Variants in PAX5 observed in about 807,000 individuals in gnomAD.
PAX5 encodes paired box protein Pax-5.
PAX5 carries 9 observed loss-of-function variants against 43.7 expected under a neutral mutation model. That is an observed-to-expected ratio of 0.21 (90% CI 0.12 to 0.36). PAX5 has a LOEUF of 0.36. Among genes scored for constraint, PAX5 ranks in the 10% least tolerant of loss-of-function variants. The pLI, the probability that PAX5 is intolerant of heterozygous loss-of-function variation, is 1.00. For missense variants in PAX5, 383 were observed against 532.7 expected (o/e 0.72, Z 2.77); for synonymous variants, 228 against 214.3 (o/e 1.06, Z -0.56).
rs556809778 is a variant in PAX5 at position 36,838,667 on chromosome 9, A to G, written c.*1893T>C. On this transcript the variant is annotated 3_prime_UTR_variant, in exon 10 of 10. Coordinates refer to ENST00000358127, the MANE Select transcript of PAX5 (RefSeq NM_016734.3). The stretch of plus-strand genomic sequence containing the variant: ...GTGTTCTTGTTTCCCACTTGGTCCA[A>G]ATATTATTGGGCCTCAGGTGCCCAC... 4 of 232,904 alleles carry G rather than the reference A, an allele frequency of 1.7e-5. No individual in the cohort carries two copies. Among genetic ancestry groups the G allele is most frequent in the South Asian group, 3.6e-4 (2 of 5,524 alleles). 14.4% of individuals were successfully genotyped at this position (232,904 alleles called of 1,614,324 possible).
At chr9:36,963,105 C>A (rs1834110546) in intron 6 of PAX5, among the ~76,000 whole-genome samples, 1 of 152,234 alleles carries the variant, frequency 6.6e-6, no homozygotes, top group African/African-American at 2.4e-5. Context: ...GGGTGCAGGG[C>A]AGCCCCGTCT....
intron 1 of PAX5, among the ~76,000 whole-genome samples, chr9:37,025,218 T>C (rs968872552): frequency 9.9e-5 from 15 of 152,046 alleles, no homozygotes; most frequent in African/African-American, 3.6e-4. Flanking sequence ...ACTCAGAAAA[T>C]TGACACAAAG....
chr9:36,875,559 T>C (rs77731734), intron 8 of PAX5, among the ~76,000 whole-genome samples: 2,792 of 151,996 alleles, frequency 0.018, 34 homozygotes, highest in Middle Eastern at 0.068. Flanking sequence ...CCCCCAAAAA[T>C]GTCCATATCA....
In PAX5 at chr9:36,833,990, A is replaced by G. The variant is rs556002987; in HGVS notation, c.*6570T>C. On this transcript the variant is annotated 3_prime_UTR_variant, in exon 10 of 10. Coordinates refer to ENST00000358127, the MANE Select transcript of PAX5 (RefSeq NM_016734.3). Reference sequence around the variant, plus strand: ...CCTAAGACAAAATCAAATGTCTCAAAGAATTAAAAGCAAAATGCATGTGTC... The same window carrying G: ...CCTAAGACAAAATCAAATGTCTCAAGGAATTAAAAGCAAAATGCATGTGTC... 1 of 233,152 alleles carries G rather than the reference A, an allele frequency of 4.3e-6. No individual in the cohort carries two copies. The highest frequency in any genetic ancestry group is 6.0e-5 in the East Asian group (1 of 16,576). The allele number at this position is 233,152 out of a possible 1,614,324, so 14.4% of individuals were successfully genotyped here.
intron 5 of PAX5, among the ~76,000 whole-genome samples, chr9:36,969,921 G>A (rs1313725447): frequency 6.6e-6 from 1 of 152,170 alleles, no homozygotes. Context: ...GAAGGATTTG[G>A]ACACTCCAAA....
intron 4 of PAX5, among the ~76,000 whole-genome samples, chr9:37,005,288 A>C (rs1838297093): frequency 6.6e-6 from 1 of 152,200 alleles, no homozygotes; most frequent in Admixed American, 6.5e-5. Flanking sequence ...CTTTACCTTG[A>C]GAATGGGGAT....
At chr9:36,971,968 G>A (rs942348239) in intron 5 of PAX5, among the ~76,000 whole-genome samples, 4 of 152,222 alleles carry the variant, frequency 2.6e-5, no homozygotes, top group Non-Finnish European at 5.9e-5. Flanking sequence ...AGCAGATTCA[G>A]GGGTTTTGCA....
At chr9:36,934,416 T>G (rs1047285328) in intron 6 of PAX5, among the ~76,000 whole-genome samples, 2 of 152,242 alleles carry the variant, frequency 1.3e-5, no homozygotes, top group African/African-American at 4.8e-5. Flanking sequence ...AGCCTGTATC[T>G]TGGACTCAAT....
chr9:37,034,088 CTTTTTTTTTCTTTTT>C lies in PAX5; in HGVS notation c.-72_-58del. ...GGGAAAAGTTTCCACTTTTTTGTGC[CTTTTTTTTTCTTTTT>C]TTTTTTTTTTTTTTTTTTTTTTTGG... On this transcript the variant is annotated 5_prime_UTR_variant, in exon 1 of 10. Transcript: ENST00000358127. 1 of 447,902 alleles carries C rather than the reference CTTTTTTTTTCTTTTT, an allele frequency of 2.2e-6. No individual in the cohort carries two copies. Among genetic ancestry groups the C allele is most frequent in the South Asian group, 3.4e-5 (1 of 29,080 alleles). 27.7% of individuals were successfully genotyped at this position (447,902 alleles called of 1,614,324 possible).
intron 6 of PAX5, among the ~76,000 whole-genome samples, chr9:36,940,403 G>T (rs1831949164): frequency 6.6e-6 from 1 of 152,164 alleles, no homozygotes; most frequent in Non-Finnish European, 1.5e-5. Flanking sequence ...CATGACGTCT[G>T]CACGCCTCTT....
chr9:37,034,257 G>A lies in PAX5; in HGVS notation c.-226C>T, dbSNP rs1841326191. 3.7e-6 allele frequency: 2 copies of A among 542,582 alleles called. No homozygotes were observed. Among genetic ancestry groups the A allele is most frequent in the Non-Finnish European group, 6.5e-6 (2 of 307,616 alleles). The allele number at this position is 542,582 out of a possible 1,614,324, so 33.6% of individuals were successfully genotyped here. On this transcript the variant is annotated 5_prime_UTR_variant, in exon 1 of 10. Transcript: ENST00000358127. ...AAAGCGTCCGAAGGCACCGTGAAAT[G>A]ATTAAGGAACTAAAGAGCTTCTCGC... is the stretch of plus-strand genomic sequence containing the variant.
Position 36,834,258 on chromosome 9 carries a change from AGGGGATGGGCCT to A in PAX5, c.*6290_*6301del, listed in dbSNP as rs1368489802. On this transcript the variant is annotated 3_prime_UTR_variant, in exon 10 of 10. Coordinates refer to ENST00000358127, the MANE Select transcript of PAX5 (RefSeq NM_016734.3). ...TCTGTTGTGCTGGGTGCTTGGGGCC[AGGGGATGGGCCT>A]GCCTCTTCCTGAGCCCCGGGACAGG... 1 of 233,236 alleles carries A rather than the reference AGGGGATGGGCCT, an allele frequency of 4.3e-6. No individual in the cohort carries two copies. The highest frequency in any genetic ancestry group is 8.5e-6 in the Non-Finnish European group (1 of 118,026). 14.4% of individuals were successfully genotyped at this position (233,236 alleles called of 1,614,324 possible). A position where few individuals can be genotyped will look rare whatever the true frequency, so the allele number is the denominator to read the frequency against.
chr9:37,026,896 G>C (rs2132540212), intron 1 of PAX5, among the ~76,000 whole-genome samples: 1 of 152,324 alleles, frequency 6.6e-6, no homozygotes, highest in East Asian at 1.9e-4. Context: ...GCGGCTTCGG[G>C]GGCATAGCGT....
intron 8 of PAX5, among the ~76,000 whole-genome samples, chr9:36,880,639 T>C (rs1395319591): frequency 6.6e-6 from 1 of 152,264 alleles, no homozygotes; most frequent in Non-Finnish European, 1.5e-5. Context: ...CTTGGCTCAC[T>C]GTAACCTCTG....
chr9:36,923,405 G>A lies in PAX5; in HGVS notation c.860C>T (p.Ala287Val), dbSNP rs2131968950. ...MKANLASPTP[A>V]DIGSSVPGPQ... ...GCCTGGCACACTGCTCCCGATGTCAGCAGGGGTGGGGCTGGCCAGATTGGC... is the reference window on the plus strand; with the variant it reads ...GCCTGGCACACTGCTCCCGATGTCAACAGGGGTGGGGCTGGCCAGATTGGC... The change falls in exon 7 of 10, where the codon GCT becomes GTT. Residue 287 changes from alanine (A) to valine (V), a missense_variant. Transcript: ENST00000358127. 1.2e-6 allele frequency: 2 copies of A among 1,613,346 alleles called. No homozygotes were observed. Among genetic ancestry groups the A allele is most frequent in the East Asian group, 2.2e-5 (1 of 44,886 alleles).
chr9:36,924,775 G>A (rs1563973461), intron 6 of PAX5, among the ~76,000 whole-genome samples: 101 of 98,764 alleles, frequency 1.0e-3, no homozygotes, highest in African/African-American at 3.3e-3. Context: ...AAGGAAGGAA[G>A]GAAGGAAAAG....
intron 5 of PAX5, among the ~76,000 whole-genome samples, chr9:36,986,501 T>C (rs1235204285): frequency 2.0e-5 from 3 of 152,110 alleles, no homozygotes; most frequent in African/African-American, 4.8e-5. Context: ...GGCGGCCTCC[T>C]TCCCGGGGGC....
intron 9 of PAX5, 118 bp downstream of exon 9, chr9:36,846,725 G>A (rs1587736216): frequency 1.5e-6 from 1 of 660,432 alleles, no homozygotes; most frequent in Non-Finnish European, 2.6e-6. Context: ...GTCTGGGCAA[G>A]CTACCCACCC....
At chr9:36,860,516 C>CA (rs1824115897) in intron 8 of PAX5, among the ~76,000 whole-genome samples, 1 of 152,144 alleles carries the variant, frequency 6.6e-6, no homozygotes, top group Non-Finnish European at 1.5e-5. Flanking sequence ...ACTCGGTACT[C>CA]AGTGTGCAGC....
Sources: gnomAD v4.1 joint callset for allele counts (sites outside exome capture counted in the v4.1 genomes callset) on GRCh38, gnomAD v4.1.1 for gene constraint, MANE v1.5 for transcripts, NCBI Gene and HGNC (gene_info 2026-07-23, HGNC 2026-07-21) for gene names.